The following ANKRD62 variants were observed in gnomAD, a reference collection of about 807,000 sequenced individuals.
ANKRD62 encodes ankyrin repeat domain-containing protein 62.
A neutral mutation model predicts 98.8 loss-of-function variants in ANKRD62; 61 were observed. That is an observed-to-expected ratio of 0.62 (90% CI 0.50 to 0.76). The LOEUF is 0.76. ANKRD62 is among the 30% of genes least tolerant of loss of function. ANKRD62 has a pLI of 0.00. For synonymous variants in ANKRD62, 341 were observed against 367.9 expected (o/e 0.93, Z 0.84); for missense variants, 933 against 1,082.9 (o/e 0.86, Z 1.94).
At chr18:12,130,062 G>A (rs1325756696), downstream of ANKRD62, among the ~76,000 whole-genome samples, 2 of 152,174 alleles carry the variant, frequency 1.3e-5, no homozygotes, top group South Asian at 4.1e-4. Context: ...CAAATGAGTA[G>A]TGTAGTAGGA....
chr18:12,122,441 T>C lies in ANKRD62; in HGVS notation c.1379T>C (p.Leu460Pro). The C allele has an allele frequency of 1.3e-6, 2 of 1,535,518 alleles. No individual in the cohort carries two copies. The highest frequency in any genetic ancestry group is 1.7e-6 in the Non-Finnish European group (2 of 1,146,646). ...AATATTAGCGTACTACAAAAGGTAC[T>C]ATCTGAAACAGACAAAACCAAATCA... ...KNNISVLQKV[L>P]SETDKTKSQS... is the part of the protein sequence containing the mutation. The change falls in exon 11 of 14, where the codon CTA becomes CCA. Residue 460 changes from leucine (L) to proline (P), a missense_variant. By Grantham distance (98) the Leu-to-Pro change is moderately conservative. This residue lies in a region of ANKRD62 where 549 missense variants were observed against 587.9 expected (regional missense o/e 0.93). Transcript: ENST00000587848.
chr18:12,117,981 A>G (rs1378418757), intron 10 of ANKRD62, among the ~76,000 whole-genome samples: 1 of 152,176 alleles, frequency 6.6e-6, no homozygotes, highest in Non-Finnish European at 1.5e-5. Flanking sequence ...AATACCCTCT[A>G]CCTGCACACA....
the ANKRD62 span, among the ~76,000 whole-genome samples, chr18:12,159,399 A>T: frequency 0.61 from 93,337 of 152,076 alleles, 29,088 homozygotes; most frequent in Middle Eastern, 0.76. Flanking sequence ...TTTAGTACTT[A>T]ACAAATTGAC....
chr18:12,175,272 A>C, the ANKRD62 span, among the ~76,000 whole-genome samples: 1 of 152,046 alleles, frequency 6.6e-6, no homozygotes, highest in African/African-American at 2.4e-5. Context: ...TTTCACTCCC[A>C]CGGCAGTGTT....
intron 8 of ANKRD62, among the ~76,000 whole-genome samples, chr18:12,110,234 T>C (rs1257997905): frequency 6.6e-6 from 1 of 152,262 alleles, no homozygotes; most frequent in Non-Finnish European, 1.5e-5. Context: ...TTGAGTATTT[T>C]AGTATGACTA....
chr18:12,128,292 TG>T lies in ANKRD62; in HGVS notation c.*354del, dbSNP rs146649166. The T allele has an allele frequency of 4.9e-3, 756 of 153,796 alleles. 2 individuals carry two copies. The highest frequency in any genetic ancestry group is 0.016 in the African/African-American group (684 of 41,622). 9.5% of individuals were successfully genotyped at this position (153,796 alleles called of 1,614,324 possible). A position where few individuals can be genotyped will look rare whatever the true frequency, so the allele number is the denominator to read the frequency against. Reference sequence around the variant, plus strand: ...TTTTTTTAATCTCTACTTTTCTGTGTGAATAAAGACTTGTGCTTACTTATTT... The same window carrying T: ...TTTTTTTAATCTCTACTTTTCTGTGTAATAAAGACTTGTGCTTACTTATTT... On this transcript the variant is annotated 3_prime_UTR_variant, in exon 14 of 14. Transcript: ENST00000587848.
chr18:12,145,861 G>A, the ANKRD62 span, among the ~76,000 whole-genome samples: 11 of 151,840 alleles, frequency 7.2e-5, no homozygotes, highest in East Asian at 1.4e-3. Context: ...CCTGGATCCC[G>A]TTTCTCATCA....
chr18:12,131,765 G>A (rs780511659), downstream of ANKRD62, among the ~76,000 whole-genome samples: 9 of 151,794 alleles, frequency 5.9e-5, no homozygotes, highest in Non-Finnish European at 1.2e-4. Flanking sequence ...GTGTGTATGT[G>A]TTTTATGTAG....
chr18:12,145,033 C>T, the ANKRD62 span, among the ~76,000 whole-genome samples: 2 of 151,816 alleles, frequency 1.3e-5, no homozygotes, highest in African/African-American at 4.8e-5. Flanking sequence ...GTCCCAGCTG[C>T]TCGGAAGGCT....
chr18:12,163,024 T>C, the ANKRD62 span, among the ~76,000 whole-genome samples: 1 of 152,150 alleles, frequency 6.6e-6, no homozygotes, highest in Non-Finnish European at 1.5e-5. Flanking sequence ...ATGTAAATTT[T>C]AGAATTGTTT....
At chr18:12,145,385 A>T in the ANKRD62 span, among the ~76,000 whole-genome samples, 72 of 152,352 alleles carry the variant, frequency 4.7e-4, no homozygotes, top group African/African-American at 1.7e-3. Flanking sequence ...GTATGTTCAG[A>T]AAGGTTTCAG....
the ANKRD62 span, among the ~76,000 whole-genome samples, chr18:12,136,825 A>G: frequency 2.0e-5 from 3 of 152,162 alleles, no homozygotes; most frequent in East Asian, 5.8e-4. Context: ...GAATGGAAGT[A>G]CACTCATGAT....
At chr18:12,165,211 T>C in the ANKRD62 span, among the ~76,000 whole-genome samples, 1 of 152,042 alleles carries the variant, frequency 6.6e-6, no homozygotes, top group South Asian at 2.1e-4. Context: ...CACTGGGTCT[T>C]GCTTGTTCAT....
At chr18:12,125,418 T>A in intron 12 of ANKRD62, 42 bp from the exon 13 acceptor site, 1 of 1,397,614 alleles carries the variant, frequency 7.2e-7, no homozygotes, top group Non-Finnish European at 9.3e-7. Context: ...TAATATGTCA[T>A]TTTATTGGGT....
intron 1 of ANKRD62, among the ~76,000 whole-genome samples, chr18:12,094,567 T>G (rs1598728126): frequency 7.3e-4 from 1 of 1,370 alleles, no homozygotes. Context: ...TGGGGGACTG[T>G]GGTGGGGGTA....
At chr18:12,102,596 A>G (rs1909327680) in intron 6 of ANKRD62, 1 of 447,326 alleles carries the variant, frequency 2.2e-6, no homozygotes, top group Admixed American at 4.8e-5. Flanking sequence ...ATTATATAAA[A>G]CTGTTTGTCT....
chr18:12,100,362 C>T lies in ANKRD62; in HGVS notation c.820+680C>T, dbSNP rs1349462818. ...GTGGATCATCATAAAGCTCTTCATC[C>T]TCAGAGTCTTCAAGTTGGCTAGGCT... On this transcript the variant is annotated intron_variant, in intron 6 of 13. Coordinates refer to ENST00000587848, the MANE Select transcript of ANKRD62 (RefSeq NM_001277333.2). Among the ~76,000 whole-genome samples the T allele has an allele frequency of 2.6e-5, 4 of 152,102 alleles. No individual in the cohort carries two copies. The East Asian group carries it at 5.8e-4, about 22-fold the overall frequency.
At chr18:12,167,546 T>C in the ANKRD62 span, among the ~76,000 whole-genome samples, 2 of 152,238 alleles carry the variant, frequency 1.3e-5, no homozygotes, top group Non-Finnish European at 2.9e-5. Context: ...TGATGGACAT[T>C]TGGGTTGGTT....
the ANKRD62 span, among the ~76,000 whole-genome samples, chr18:12,141,075 C>T: frequency 1.6e-4 from 25 of 152,326 alleles, no homozygotes; most frequent in African/African-American, 5.3e-4. Flanking sequence ...CCGCCAGCCT[C>T]GCTGCCGCCT....
Sources: gnomAD v4.1 joint callset for allele counts (sites outside exome capture counted in the v4.1 genomes callset) on GRCh38, gnomAD v4.1.1 for gene constraint, gnomAD v4.1.1 regional missense constraint, MANE v1.5 for transcripts, NCBI Gene and HGNC (gene_info 2026-07-23, HGNC 2026-07-21) for gene names.